The following ADAMTS2 variants were observed in gnomAD, a reference collection of about 807,000 sequenced individuals.
ADAMTS2 encodes the protein ADAM metallopeptidase with thrombospondin type 1 motif 2, also known as A disintegrin and metalloproteinase with thrombospondin motifs 2.
ADAMTS2 carries 50 observed loss-of-function variants against 123.0 expected under a neutral mutation model. That is an observed-to-expected ratio of 0.41 (90% CI 0.32 to 0.51). The LOEUF (loss-of-function observed/expected upper bound fraction) is 0.51, where lower values mean the gene tolerates loss of function less well. ADAMTS2 is among the 20% of genes least tolerant of loss of function. The probability of loss-of-function intolerance (pLI) is 0.35; values close to 1 mark genes in which losing one functional copy is unlikely to be tolerated. For missense variants in ADAMTS2, 1,494 were observed against 1,705.2 expected (o/e 0.88, Z 2.18); for synonymous variants, 678 against 695.4 (o/e 0.98, Z 0.39).
At chr5:179,330,239 G>T (rs1475439570) in intron 2 of ADAMTS2, among the ~76,000 whole-genome samples, 2 of 152,142 alleles carry the variant, frequency 1.3e-5, no homozygotes, top group African/African-American at 2.4e-5. Context: ...TGCAGGCCTT[G>T]GGGAGCCAGG....
intron 4 of ADAMTS2, among the ~76,000 whole-genome samples, chr5:179,192,242 G>A (rs530966353): frequency 7.2e-5 from 11 of 152,342 alleles, no homozygotes; most frequent in South Asian, 4.1e-4. Flanking sequence ...CACTCAGAGC[G>A]CAGGGCAAGA....
At chr5:179,287,067 A>T (rs1078474) in intron 2 of ADAMTS2, among the ~76,000 whole-genome samples, 1 of 152,200 alleles carries the variant, frequency 6.6e-6, no homozygotes, top group African/African-American at 2.4e-5. Context: ...CACTCAGCCC[A>T]TAACAGCCTC....
chr5:179,323,702 G>A (rs992377473), intron 2 of ADAMTS2, among the ~76,000 whole-genome samples: 2 of 152,242 alleles, frequency 1.3e-5, no homozygotes, highest in African/African-American at 4.8e-5. Flanking sequence ...CACAGGCTTC[G>A]GCAACTGTCA....
At chr5:179,269,834 G>A (rs1766480355) in intron 3 of ADAMTS2, among the ~76,000 whole-genome samples, 3 of 152,150 alleles carry the variant, frequency 2.0e-5, no homozygotes, top group African/African-American at 7.2e-5. Flanking sequence ...GATTGGAGAT[G>A]CCTGTCAGAA....
Position 179,113,576 on chromosome 5 carries a change from T to A in ADAMTS2, c.*291A>T. The A allele has an allele frequency of 4.4e-6, 2 of 457,840 alleles. No individual in the cohort carries two copies. The highest frequency in any genetic ancestry group is 8.0e-6 in the Non-Finnish European group (2 of 250,448). 28.4% of individuals were successfully genotyped at this position (457,840 alleles called of 1,614,324 possible). On this transcript the variant is annotated 3_prime_UTR_variant, in exon 22 of 22. Coordinates refer to ENST00000251582, the MANE Select transcript of ADAMTS2 (RefSeq NM_014244.5). ...GCCTATTTTTGTTCTCTCAGAGTGATCCCTCTTGCCCTGCCCTCACTGAGG... is the reference window on the plus strand; with the variant it reads ...GCCTATTTTTGTTCTCTCAGAGTGAACCCTCTTGCCCTGCCCTCACTGAGG...
chr5:179,151,047 C>A (rs1763346956), intron 10 of ADAMTS2: 1 of 253,082 alleles, frequency 4.0e-6, no homozygotes, highest in Non-Finnish European at 8.4e-6. Context: ...CAGGCACCCA[C>A]CACCGCGCCC....
At chr5:179,240,103 G>A (rs1299955940) in intron 3 of ADAMTS2, among the ~76,000 whole-genome samples, 1 of 152,170 alleles carries the variant, frequency 6.6e-6, no homozygotes, top group African/African-American at 2.4e-5. Flanking sequence ...GAGGGAAGCC[G>A]TCAGGTGTGA....
intron 3 of ADAMTS2, among the ~76,000 whole-genome samples, chr5:179,247,138 G>A (rs1274339265): frequency 3.3e-5 from 5 of 152,038 alleles, no homozygotes; most frequent in African/African-American, 4.8e-5. Flanking sequence ...GGCAAATAAC[G>A]TAAGTAAAGC....
At position 179,158,958 on chromosome 5, in the gene ADAMTS2, TGACA is replaced by T; in HGVS notation, c.976-83_976-80del. On this transcript the variant is annotated intron_variant, in intron 5 of 21. Transcript: ENST00000251582. The surrounding 1 kb of genome is among the most constrained non-coding windows in gnomAD (Gnocchi z 5.0). ...TGGGGGGCCGAGCAGGCTGTAGTGT[TGACA>T]GACCCCATCCACTGGGAATCTGTTC... is the stretch of plus-strand genomic sequence containing the variant. The T allele has an allele frequency of 6.5e-7, 1 of 1,539,710 alleles. No homozygotes were observed. The highest frequency in any genetic ancestry group is 8.8e-7 in the Non-Finnish European group (1 of 1,133,656).
At chr5:179,297,774 C>G (rs965339462) in intron 2 of ADAMTS2, among the ~76,000 whole-genome samples, 3 of 151,958 alleles carry the variant, frequency 2.0e-5, no homozygotes, top group Admixed American at 1.3e-4. Flanking sequence ...TCCCTCAGGG[C>G]TCTCCACAAG....
rs1315943025 is a variant in ADAMTS2, at chr5:179,308,394, C to T, written c.535-35330G>A. Among the ~76,000 whole-genome samples, 1 of 152,136 alleles carries T rather than the reference C, an allele frequency of 6.6e-6. No individual in the cohort carries two copies. Among genetic ancestry groups the T allele is most frequent in the Non-Finnish European group, 1.5e-5 (1 of 68,016 alleles). Reference sequence around the variant, plus strand: ...CTCGAAATGCCAGCTGGAAAGGTCACGCACGCCAGCTGGAAGGGGAGCCGC... The same window carrying T: ...CTCGAAATGCCAGCTGGAAAGGTCATGCACGCCAGCTGGAAGGGGAGCCGC... On this transcript the variant is annotated intron_variant, in intron 2 of 21. Transcript: ENST00000251582. This position sits in a 1 kb window ranked among gnomAD's most constrained non-coding sequence, Gnocchi z 6.6.
In ADAMTS2 at chr5:179,321,957, A is replaced by G. The variant is rs186693385; in HGVS notation, c.534+21810T>C. ...CTATTGAAAGATGTTCCGGCAGAAC[A>G]CTGGATGATCCAGAAATATTTCCAT... On this transcript the variant is annotated intron_variant, in intron 2 of 21. Transcript: ENST00000251582. 2.4e-3 allele frequency among the ~76,000 whole-genome samples: 359 copies of G among 152,306 alleles called. 2 individuals carry two copies. The highest frequency in any genetic ancestry group is 8.2e-3 in the Admixed American group (125 of 15,298).
At position 179,343,484 on chromosome 5, in the gene ADAMTS2, C is replaced by A. The variant is rs12513486; in HGVS notation, c.534+283G>T. Among the ~76,000 whole-genome samples the A allele has an allele frequency of 0.2, 30,805 of 152,204 alleles. 3,312 individuals are homozygous for A. The highest frequency in any genetic ancestry group is 0.26 in the Admixed American group (4,041 of 15,294). ...CCCACCCCCGGATGCAAGCCAGAGACCTGTTCAGGCAGGCAAAAGAGAGAG... is the reference window on the plus strand; with the variant it reads ...CCCACCCCCGGATGCAAGCCAGAGAACTGTTCAGGCAGGCAAAAGAGAGAG... On this transcript the variant is annotated intron_variant, in intron 2 of 21. Coordinates refer to ENST00000251582, the MANE Select transcript of ADAMTS2 (RefSeq NM_014244.5).
chr5:179,137,308 C>G (rs538946239), intron 12 of ADAMTS2, among the ~76,000 whole-genome samples: 1 of 152,246 alleles, frequency 6.6e-6, no homozygotes, highest in South Asian at 2.1e-4. Flanking sequence ...CTCCTCAGGT[C>G]CCTGAGCCAA....
At position 179,242,254 on chromosome 5, in the gene ADAMTS2, G is replaced by C. The variant is rs1043642463; in HGVS notation, c.688+30657C>G. Among the ~76,000 whole-genome samples, 3 of 152,150 alleles carry C rather than the reference G, an allele frequency of 2.0e-5. No homozygotes were observed. Among genetic ancestry groups the C allele is most frequent in the African/African-American group, 7.2e-5 (3 of 41,430 alleles). On this transcript the variant is annotated intron_variant, in intron 3 of 21. Transcript: ENST00000251582. The surrounding 1 kb of genome is among the most constrained non-coding windows in gnomAD (Gnocchi z 4.2). ...CGCTGAGCCTTGGCAGCCTCGTGTG[G>C]GCCAGCGGTGCCTGCTGTCTTGCTC... is the stretch of plus-strand genomic sequence containing the variant.
chr5:179,212,965 G>A (rs1203181696), intron 3 of ADAMTS2, among the ~76,000 whole-genome samples: 2 of 152,110 alleles, frequency 1.3e-5, no homozygotes, highest in African/African-American at 4.8e-5. Context: ...TAGGCCCCCT[G>A]AAAGACCCAG....
intron 5 of ADAMTS2, among the ~76,000 whole-genome samples, chr5:179,169,125 A>G (rs191931211): frequency 3.3e-4 from 51 of 152,300 alleles, no homozygotes; most frequent in Non-Finnish European, 5.6e-4. Context: ...CTGAGAACCA[A>G]TGTTATGGTA....
At chr5:179,343,656 C>A in intron 2 of ADAMTS2, 111 bp downstream of exon 2, 1 of 1,421,366 alleles carries the variant, frequency 7.0e-7, no homozygotes, top group South Asian at 1.3e-5. Flanking sequence ...GGGAAGGGCG[C>A]GGAAAGTCCT....
intron 10 of ADAMTS2, 151 bp from the exon 11 acceptor site, chr5:179,140,186 G>A (rs1390534648): frequency 3.4e-6 from 4 of 1,190,276 alleles, no homozygotes; most frequent in East Asian, 4.8e-5. Flanking sequence ...GATGCTCAGA[G>A]CCCCCAGAAG....
Sources: gnomAD v4.1 joint callset for allele counts (sites outside exome capture counted in the v4.1 genomes callset) on GRCh38, gnomAD v4.1.1 for gene constraint, Gnocchi (gnomAD v3.1) non-coding constraint, MANE v1.5 for transcripts, NCBI Gene and HGNC (gene_info 2026-07-23, HGNC 2026-07-21) for gene names.